NKAIN2: variants seen among roughly 807,000 people sequenced by gnomAD.
NKAIN2 encodes sodium/potassium transporting ATPase interacting 2, also known as sodium/potassium-transporting ATPase subunit beta-1-interacting protein 2.
A neutral mutation model predicts 32.6 loss-of-function variants in NKAIN2; 14 were observed. The ratio of observed to expected loss-of-function variants is 0.43; its 90% CI spans 0.28 to 0.67. The LOEUF is 0.67. NKAIN2 is among the 30% of genes least tolerant of loss of function. The probability of loss-of-function intolerance (pLI) is 0.17; values close to 1 mark genes in which losing one functional copy is unlikely to be tolerated. For missense variants in NKAIN2, 198 were observed against 258.3 expected (o/e 0.77, Z 1.60); for synonymous variants, 80 against 87.2 (o/e 0.92, Z 0.46).
intron 3 of NKAIN2, among the ~76,000 whole-genome samples, chr6:124,578,255 C>A (rs1156807837): frequency 6.6e-6 from 1 of 152,030 alleles, no homozygotes; most frequent in East Asian, 2.0e-4. Context: ...GAGTACCAAG[C>A]AGGATCTTGG....
intron 1 of NKAIN2, among the ~76,000 whole-genome samples, chr6:123,923,789 T>A: frequency 1.1e-5 from 1 of 95,232 alleles, no homozygotes; most frequent in Non-Finnish European, 2.0e-5. Flanking sequence ...TGGGGACTGT[T>A]GTGGGGTGGG....
At chr6:124,660,421 A>T (rs1289963857) in intron 4 of NKAIN2, among the ~76,000 whole-genome samples, 1 of 152,254 alleles carries the variant, frequency 6.6e-6, no homozygotes, top group South Asian at 2.1e-4. Flanking sequence ...ACGTGGGGGC[A>T]TATGTTGAAG....
intron 3 of NKAIN2, among the ~76,000 whole-genome samples, chr6:124,402,236 A>T (rs1320060937): frequency 6.6e-6 from 1 of 152,166 alleles, no homozygotes; most frequent in Non-Finnish European, 1.5e-5. Context: ...AGATTTATTG[A>T]CTTACCTTTC....
chr6:124,258,028 C>T (rs1794034751), intron 1 of NKAIN2, among the ~76,000 whole-genome samples: 1 of 151,932 alleles, frequency 6.6e-6, no homozygotes, highest in Non-Finnish European at 1.5e-5. Context: ...TGATTCATTG[C>T]CTCGGCCTCC....
At chr6:124,250,566 A>T (rs1003860792) in intron 1 of NKAIN2, among the ~76,000 whole-genome samples, 6 of 152,094 alleles carry the variant, frequency 3.9e-5, no homozygotes, top group African/African-American at 1.4e-4. Context: ...CTAAAAGATA[A>T]CAATTATTAA....
chr6:124,282,603 T>C (rs1402297708), intron 1 of NKAIN2, among the ~76,000 whole-genome samples: 1 of 152,238 alleles, frequency 6.6e-6, no homozygotes, highest in Non-Finnish European at 1.5e-5. Flanking sequence ...CAAACTTCCT[T>C]TGTTCTATTC....
chr6:124,415,346 A>T (rs1774414589), intron 3 of NKAIN2, among the ~76,000 whole-genome samples: 1 of 152,208 alleles, frequency 6.6e-6, no homozygotes, highest in Non-Finnish European at 1.5e-5. Flanking sequence ...ACTTACTTTC[A>T]TTCAACAACT....
intron 3 of NKAIN2, among the ~76,000 whole-genome samples, chr6:124,588,633 G>A (rs1781798189): frequency 1.3e-5 from 2 of 151,978 alleles, no homozygotes; most frequent in Non-Finnish European, 2.9e-5. Context: ...AATTATTTGG[G>A]AATTTGGGTC....
At chr6:123,864,965 T>A (rs1338442626) in intron 1 of NKAIN2, among the ~76,000 whole-genome samples, 3 of 152,168 alleles carry the variant, frequency 2.0e-5, no homozygotes, top group Non-Finnish European at 4.4e-5. Context: ...TTTATTGCAT[T>A]TTTATAGTCA....
At chr6:124,766,745 T>G (rs950617901) in intron 4 of NKAIN2, among the ~76,000 whole-genome samples, 26 of 152,310 alleles carry the variant, frequency 1.7e-4, no homozygotes, top group Non-Finnish European at 2.9e-4. Flanking sequence ...AAACTCTCTC[T>G]CTTTATGGAG....
chr6:124,359,525 T>C (rs1006145907), intron 3 of NKAIN2, among the ~76,000 whole-genome samples: 1 of 152,196 alleles, frequency 6.6e-6, no homozygotes, highest in Non-Finnish European at 1.5e-5. Flanking sequence ...TTTTATTCTC[T>C]TTGAAGCAAT....
At chr6:123,917,979 T>G (rs1038646279) in intron 1 of NKAIN2, among the ~76,000 whole-genome samples, 1 of 152,164 alleles carries the variant, frequency 6.6e-6, no homozygotes, top group Non-Finnish European at 1.5e-5. Flanking sequence ...AATATGAAAT[T>G]ATATAAACTT....
At chr6:124,069,208 C>A (rs979656109) in intron 1 of NKAIN2, among the ~76,000 whole-genome samples, 1 of 152,112 alleles carries the variant, frequency 6.6e-6, no homozygotes, top group African/African-American at 2.4e-5. Flanking sequence ...TTCTATTAAA[C>A]TTTATTACCT....
rs149203995 is a variant in NKAIN2, at chr6:124,244,687, C to T, written c.55-38318C>T. ...ACAATTTACCATGTTGCCCCTCAAA[C>T]ACAAAAACTTAAGCACCGTAAGGAC... On this transcript the variant is annotated intron_variant, in intron 1 of 6. Coordinates refer to ENST00000368417, the MANE Select transcript of NKAIN2 (RefSeq NM_001040214.3). Among the ~76,000 whole-genome samples the T allele has an allele frequency of 2.0e-5, 3 of 152,126 alleles. No individual in the cohort carries two copies. In the East Asian group the frequency reaches 5.8e-4, roughly 30 times the overall value.
intron 1 of NKAIN2, chr6:124,121,805 G>A (rs1230082876): frequency 6.2e-6 from 2 of 322,992 alleles, no homozygotes; most frequent in African/African-American, 2.2e-5. Flanking sequence ...AAGCCTTGTT[G>A]AATTAGTTGG....
At chr6:124,788,509 G>A (rs951572994) in intron 4 of NKAIN2, among the ~76,000 whole-genome samples, 1 of 152,078 alleles carries the variant, frequency 6.6e-6, no homozygotes, top group African/African-American at 2.4e-5. Flanking sequence ...TGGCTGGGGA[G>A]GCCTCAGGAA....
At chr6:124,198,988 C>T (rs1790470447) in intron 1 of NKAIN2, among the ~76,000 whole-genome samples, 1 of 152,112 alleles carries the variant, frequency 6.6e-6, no homozygotes, top group Admixed American at 6.6e-5. Context: ...AAATCCTCTT[C>T]TTTACGTTAT....
intron 3 of NKAIN2, among the ~76,000 whole-genome samples, chr6:124,358,030 G>GT (rs1490483042): frequency 1.3e-5 from 2 of 152,082 alleles, no homozygotes; most frequent in Non-Finnish European, 2.9e-5. Context: ...GCGGTGTTTG[G>GT]TTTTTTGTCC....
At chr6:124,593,375 T>G (rs914676376) in intron 3 of NKAIN2, among the ~76,000 whole-genome samples, 3 of 152,196 alleles carry the variant, frequency 2.0e-5, no homozygotes, top group African/African-American at 7.2e-5. Flanking sequence ...TGGACCGCTA[T>G]GCATATATCC....
Sources: gnomAD v4.1 joint callset for allele counts (sites outside exome capture counted in the v4.1 genomes callset) on GRCh38, gnomAD v4.1.1 for gene constraint, MANE v1.5 for transcripts, NCBI Gene and HGNC (gene_info 2026-07-23, HGNC 2026-07-21) for gene names.